SCD: variants seen among roughly 807,000 people sequenced by gnomAD.
SCD encodes the protein stearoyl-CoA desaturase, also known as acyl-CoA desaturase.
SCD carries 4 observed loss-of-function variants against 35.7 expected under a neutral mutation model. The observed-to-expected ratio is 0.11, with a 90% CI of 0.06 to 0.26. The LOEUF is 0.26. Ranked by LOEUF, SCD falls within the 10% of genes least tolerant of loss-of-function variation. SCD has a pLI of 1.00. For missense variants in SCD, 282 were observed against 460.7 expected (o/e 0.61, Z 3.55); for synonymous variants, 150 against 170.2 (o/e 0.88, Z 0.92).
In SCD at chr10:100,361,120, A is replaced by G. The variant is rs1252780296; in HGVS notation, c.*187A>G. The G allele has an allele frequency of 5.0e-6, 3 of 596,792 alleles. No individual in the cohort carries two copies. The highest frequency in any genetic ancestry group is 3.7e-5 in the African/African-American group (2 of 53,778). The allele number at this position is 596,792 out of a possible 1,614,324, so 37.0% of individuals were successfully genotyped here. On this transcript the variant is annotated 3_prime_UTR_variant, in exon 6 of 6. Coordinates refer to ENST00000370355, the MANE Select transcript of SCD (RefSeq NM_005063.5). ...ACTCTGCCTTTATGATGCTAAGCTG[A>G]TATTATTTCTTCTCTTATCCTCTCT...
chr10:100,351,247 A>C (rs1347042410), intron 2 of SCD, among the ~76,000 whole-genome samples: 1 of 152,126 alleles, frequency 6.6e-6, no homozygotes, highest in Non-Finnish European at 1.5e-5. Flanking sequence ...TATATCTGGC[A>C]CCTCCTGAGC....
chr10:100,353,958 T>G (rs544002540), intron 3 of SCD, among the ~76,000 whole-genome samples: 200 of 152,358 alleles, frequency 1.3e-3, no homozygotes, highest in African/African-American at 4.6e-3. Context: ...TTGGGTTGTA[T>G]GAGCTCTTTT....
chr10:100,351,576 T>G (rs1391168398), intron 2 of SCD, among the ~76,000 whole-genome samples: 1 of 152,212 alleles, frequency 6.6e-6, no homozygotes, highest in East Asian at 1.9e-4. Flanking sequence ...GGCCATAGTC[T>G]GAATGCCCTA....
chr10:100,361,116 G>A lies in SCD; in HGVS notation c.*183G>A. The A allele has an allele frequency of 1.7e-6, 1 of 602,924 alleles. No homozygotes were observed. 37.3% of individuals were successfully genotyped at this position (602,924 alleles called of 1,614,324 possible). A position where few individuals can be genotyped will look rare whatever the true frequency, so the allele number is the denominator to read the frequency against. On this transcript the variant is annotated 3_prime_UTR_variant, in exon 6 of 6. Coordinates refer to ENST00000370355, the MANE Select transcript of SCD (RefSeq NM_005063.5). Reference sequence around the variant, plus strand: ...AACAACTCTGCCTTTATGATGCTAAGCTGATATTATTTCTTCTCTTATCCT... The same window carrying A: ...AACAACTCTGCCTTTATGATGCTAAACTGATATTATTTCTTCTCTTATCCT...
chr10:100,349,298 C>T (rs555495396), intron 2 of SCD, among the ~76,000 whole-genome samples: 2 of 152,338 alleles, frequency 1.3e-5, no homozygotes, highest in East Asian at 1.9e-4. Flanking sequence ...TACACACATG[C>T]GCTTTGCAGG....
intron 5 of SCD, among the ~76,000 whole-genome samples, chr10:100,359,416 C>T (rs1412335846): frequency 6.6e-6 from 1 of 152,140 alleles, no homozygotes; most frequent in African/African-American, 2.4e-5. Flanking sequence ...TTCTTTCTAC[C>T]CGTTGACCCT....
chr10:100,356,619 T>C lies in SCD; in HGVS notation c.735T>C (p.Ser245=), dbSNP rs1035432305. 1 of 1,614,236 alleles carries C rather than the reference T, an allele frequency of 6.2e-7. No individual in the cohort carries two copies. The highest frequency in any genetic ancestry group is 8.5e-7 in the Non-Finnish European group (1 of 1,180,044). ...WYFWGETFQN[S]VFVATFLRYA... ...TCTGGGGTGAAACTTTTCAAAACAGTGTGTTCGTTGCCACTTTCTTGCGAT... is the reference window on the plus strand; with the variant it reads ...TCTGGGGTGAAACTTTTCAAAACAGCGTGTTCGTTGCCACTTTCTTGCGAT... The change falls in exon 5 of 6, where the codon AGT becomes AGC. Residue 245 remains serine (S), a synonymous_variant. Coordinates refer to ENST00000370355, the MANE Select transcript of SCD (RefSeq NM_005063.5). This position sits in a 1 kb window ranked among gnomAD's most constrained non-coding sequence, Gnocchi z 4.1.
Position 100,361,063 on chromosome 10 carries a change from C to T in SCD, c.*130C>T. 2.6e-6 allele frequency: 2 copies of T among 781,410 alleles called. No homozygotes were observed. Among genetic ancestry groups the T allele is most frequent in the Non-Finnish European group, 4.0e-6 (2 of 500,220 alleles). 48.4% of individuals were successfully genotyped at this position (781,410 alleles called of 1,614,324 possible). ...TGTTAACCCATTCCAGTACAGTATT[C>T]TTTTAAAATTCAAAAGTATTGAAAG... On this transcript the variant is annotated 3_prime_UTR_variant, in exon 6 of 6. Coordinates refer to ENST00000370355, the MANE Select transcript of SCD (RefSeq NM_005063.5).
rs1389359894 is a variant in SCD, at chr10:100,364,629, TAAAC to T, written c.*3699_*3702del. 2 of 152,590 alleles carry T rather than the reference TAAAC, an allele frequency of 1.3e-5. No homozygotes were observed. Among genetic ancestry groups the T allele is most frequent in the East Asian group, 3.8e-4 (2 of 5,202 alleles). 9.5% of individuals were successfully genotyped at this position (152,590 alleles called of 1,614,324 possible). A position where few individuals can be genotyped will look rare whatever the true frequency, so the allele number is the denominator to read the frequency against. On this transcript the variant is annotated 3_prime_UTR_variant, in exon 6 of 6. Transcript: ENST00000370355. ...TAGCCAGACAAAATTTGAGAATACA[TAAAC>T]AACGCATTGCCACGGAAACATACAG...
Position 100,356,450 on chromosome 10 carries a change from C to A in SCD, c.648-82C>A. 1 of 920,332 alleles carries A rather than the reference C, an allele frequency of 1.1e-6. No individual in the cohort carries two copies. The highest frequency in any genetic ancestry group is 1.7e-6 in the Non-Finnish European group (1 of 573,270). The allele number at this position is 920,332 out of a possible 1,614,324, so 57.0% of individuals were successfully genotyped here. A position where few individuals can be genotyped will look rare whatever the true frequency, so the allele number is the denominator to read the frequency against. Reference sequence around the variant, plus strand: ...AATTCAACATGGAAGAAAGACAGCCCATCCCCTCCCAATTAGTGTGGAAGA... The same window carrying A: ...AATTCAACATGGAAGAAAGACAGCCAATCCCCTCCCAATTAGTGTGGAAGA... On this transcript the variant is annotated intron_variant, in intron 4 of 5. Coordinates refer to ENST00000370355, the MANE Select transcript of SCD (RefSeq NM_005063.5). This position sits in a 1 kb window ranked among gnomAD's most constrained non-coding sequence, Gnocchi z 4.1.
chr10:100,364,777 G>C lies in SCD; in HGVS notation c.*3844G>C, dbSNP rs1373465445. On this transcript the variant is annotated 3_prime_UTR_variant, in exon 6 of 6. Coordinates refer to ENST00000370355, the MANE Select transcript of SCD (RefSeq NM_005063.5). ...ATTAATATCAACTCTGAAGCTAATTGTACTAATCTGAGATTGTGTTTGTTC... is the reference window on the plus strand; with the variant it reads ...ATTAATATCAACTCTGAAGCTAATTCTACTAATCTGAGATTGTGTTTGTTC... The C allele has an allele frequency of 6.6e-6, 1 of 152,560 alleles. No individual in the cohort carries two copies. The highest frequency in any genetic ancestry group is 1.5e-5 in the Non-Finnish European group (1 of 68,022). The allele number at this position is 152,560 out of a possible 1,614,324, so 9.5% of individuals were successfully genotyped here. A position where few individuals can be genotyped will look rare whatever the true frequency, so the allele number is the denominator to read the frequency against.
intron 5 of SCD, among the ~76,000 whole-genome samples, chr10:100,358,444 T>C (rs1437588848): frequency 6.6e-6 from 1 of 150,820 alleles, no homozygotes; most frequent in Non-Finnish European, 1.5e-5. Flanking sequence ...ACAAAAAAAT[T>C]AGCCAGGCGC....
intron 2 of SCD, 73 bp downstream of exon 2, chr10:100,348,419 C>T (rs1849831388): frequency 1.5e-5 from 21 of 1,424,678 alleles, no homozygotes; most frequent in Non-Finnish European, 2.0e-5. Context: ...TAGGATCTTA[C>T]AGAGGACACC....
At chr10:100,353,964 C>A (rs1478060090) in intron 3 of SCD, among the ~76,000 whole-genome samples, 1 of 152,226 alleles carries the variant, frequency 6.6e-6, no homozygotes, top group Non-Finnish European at 1.5e-5. Flanking sequence ...TGTATGAGCT[C>A]TTTTGCAAGG....
rs560248611 is a variant in SCD, at chr10:100,352,270, G to A, written c.311-96G>A. ...AGCCAGTTCTCACCCAAAGCCTGAC[G>A]AAGACAGTTTCTAGCATCCAGAGAG... On this transcript the variant is annotated intron_variant, in intron 2 of 5. Transcript: ENST00000370355. The surrounding 1 kb of genome is among the most constrained non-coding windows in gnomAD (Gnocchi z 4.2). 745 of 1,305,420 alleles carry A rather than the reference G, an allele frequency of 5.7e-4. No individual in the cohort carries two copies. Among genetic ancestry groups the A allele is most frequent in the Middle Eastern group, 2.2e-3 (8 of 3,676 alleles). 80.9% of individuals were successfully genotyped at this position (1,305,420 alleles called of 1,614,324 possible).
At chr10:100,355,796 A>G (rs1176823057) in intron 4 of SCD, among the ~76,000 whole-genome samples, 1 of 152,210 alleles carries the variant, frequency 6.6e-6, no homozygotes, top group Non-Finnish European at 1.5e-5. Context: ...GGCCTGGTCT[A>G]CATTGAGAAT....
chr10:100,350,834 T>C (rs985613918), intron 2 of SCD, among the ~76,000 whole-genome samples: 10 of 152,288 alleles, frequency 6.6e-5, no homozygotes, highest in Admixed American at 5.2e-4. Context: ...TGGGGAGATG[T>C]CAGTCACCAC....
At chr10:100,355,887 G>T (rs1304851340) in intron 4 of SCD, among the ~76,000 whole-genome samples, 1 of 152,168 alleles carries the variant, frequency 6.6e-6, no homozygotes. Context: ...GGGAAAAGAA[G>T]ACCAAAGAAT....
intron 1 of SCD, 45 bp downstream of exon 1, chr10:100,347,576 G>A: frequency 3.1e-6 from 5 of 1,611,982 alleles, no homozygotes; most frequent in Non-Finnish European, 4.2e-6. Flanking sequence ...CGCAGGCGCG[G>A]GCTGGGCTTC....
Sources: allele counts gnomAD v4.1 joint callset (sites outside exome capture counted in the v4.1 genomes callset), GRCh38; gene constraint gnomAD v4.1.1; non-coding constraint Gnocchi (gnomAD v3.1); transcripts MANE v1.5; gene names NCBI Gene and HGNC (gene_info 2026-07-23, HGNC 2026-07-21).